The following GULP1 variants were observed in gnomAD, a reference collection of about 807,000 sequenced individuals.
GULP1 encodes the protein PTB domain-containing engulfment adapter protein 1.
Under a neutral mutation model 40.9 loss-of-function variants are expected in GULP1, and 19 were observed. The ratio of observed to expected loss-of-function variants is 0.46; its 90% CI spans 0.32 to 0.68. The LOEUF is 0.68. Among genes scored for constraint, GULP1 ranks in the 30% least tolerant of loss-of-function variants. The probability of loss-of-function intolerance (pLI) is 0.03; values close to 1 mark genes in which losing one functional copy is unlikely to be tolerated. For synonymous variants in GULP1, 119 were observed against 117.6 expected (o/e 1.01, Z -0.08); for missense variants, 312 against 362.2 (o/e 0.86, Z 1.12).
intron 7 of GULP1, among the ~76,000 whole-genome samples, chr2:188,546,852 G>A (rs1692095885): frequency 6.6e-6 from 1 of 151,828 alleles, no homozygotes; most frequent in South Asian, 2.1e-4. Context: ...CCAATATTTA[G>A]AATGAAAACC....
At chr2:188,358,832 TTTAA>T (rs2045711841) in intron 1 of GULP1, among the ~76,000 whole-genome samples, 1 of 152,128 alleles carries the variant, frequency 6.6e-6, no homozygotes, top group Non-Finnish European at 1.5e-5. Flanking sequence ...TAGTCATTAG[TTTAA>T]TTAACGTTAT....
chr2:188,388,806 G>C (rs571538684), intron 2 of GULP1, among the ~76,000 whole-genome samples: 114 of 152,248 alleles, frequency 7.5e-4, no homozygotes, highest in Admixed American at 1.3e-3. Context: ...CAAATGAATA[G>C]AATACACCAT....
At chr2:188,469,764 G>T (rs1320411782) in intron 2 of GULP1, among the ~76,000 whole-genome samples, 2 of 152,072 alleles carry the variant, frequency 1.3e-5, no homozygotes, top group African/African-American at 2.4e-5. Context: ...TATCATGAAA[G>T]ATGTTGAATT....
chr2:188,583,790 CA>C lies in GULP1; in HGVS notation c.610-467del, dbSNP rs540793344. On this transcript the variant is annotated intron_variant, in intron 9 of 11. Coordinates refer to ENST00000409830, the MANE Select transcript of GULP1 (RefSeq NM_016315.4). ...AAAATATACTCTACTTTTGAGAATGCAAAAAAAATCAATTGCATTTGAATGT... is the reference window on the plus strand; with the variant it reads ...AAAATATACTCTACTTTTGAGAATGCAAAAAAATCAATTGCATTTGAATGT... Among the ~76,000 whole-genome samples, 680 of 151,658 alleles carry C rather than the reference CA, an allele frequency of 4.5e-3. 8 individuals carry two copies. Among genetic ancestry groups the C allele is most frequent in the African/African-American group, 0.016 (649 of 41,384 alleles).
intron 1 of GULP1, among the ~76,000 whole-genome samples, chr2:188,375,473 C>T (rs975140178): frequency 3.3e-5 from 5 of 152,172 alleles, no homozygotes; most frequent in East Asian, 3.9e-4. Context: ...CCCAACTTTT[C>T]GTTAGGAAAT....
At chr2:188,572,757 C>T (rs1355258788) in intron 9 of GULP1, among the ~76,000 whole-genome samples, 1 of 152,014 alleles carries the variant, frequency 6.6e-6, no homozygotes, top group African/African-American at 2.4e-5. Context: ...AAGCCATGCA[C>T]AGAAAGACAA....
In GULP1 at chr2:188,405,803, T is replaced by C. The variant is rs1257629133; in HGVS notation, c.-45+21914T>C. The stretch of plus-strand genomic sequence containing the variant: ...ACTCAGAATTTCTGGATGGGCTGAT[T>C]GGTGAAGGCTTACCCAAACAAAACT... On this transcript the variant is annotated intron_variant, in intron 2 of 11. Transcript: ENST00000409830. Among the ~76,000 whole-genome samples the C allele has an allele frequency of 2.0e-5, 3 of 152,220 alleles. No homozygotes were observed. In the East Asian group the frequency reaches 5.8e-4, roughly 29 times the overall value.
intron 2 of GULP1, among the ~76,000 whole-genome samples, chr2:188,464,510 T>C (rs933814641): frequency 6.6e-6 from 1 of 152,164 alleles, no homozygotes; most frequent in Non-Finnish European, 1.5e-5. Context: ...ATTCCCTGGC[T>C]CCTGCCTATT....
chr2:188,414,233 AAAAG>A (rs2054287777), intron 2 of GULP1, among the ~76,000 whole-genome samples: 2 of 97,890 alleles, frequency 2.0e-5, no homozygotes, highest in African/African-American at 8.4e-5. Flanking sequence ...AAAAAAAAAA[AAAAG>A]AAAAAGAAGA....
At chr2:188,530,579 G>T (rs1263254422) in intron 6 of GULP1, among the ~76,000 whole-genome samples, 3 of 152,128 alleles carry the variant, frequency 2.0e-5, no homozygotes, top group African/African-American at 4.8e-5. Flanking sequence ...TACAAAAAGA[G>T]GAAGAGACAC....
chr2:188,383,272 C>T (rs2049242254), intron 1 of GULP1, among the ~76,000 whole-genome samples: 1 of 152,140 alleles, frequency 6.6e-6, no homozygotes, highest in Non-Finnish European at 1.5e-5. Flanking sequence ...CTAGTTATAG[C>T]ATGATTATGA....
intron 1 of GULP1, among the ~76,000 whole-genome samples, chr2:188,328,536 A>G (rs1336830573): frequency 6.6e-6 from 1 of 152,148 alleles, no homozygotes; most frequent in Non-Finnish European, 1.5e-5. Context: ...CTAATTAATT[A>G]TCCTTCAACA....
chr2:188,448,824 C>T (rs1410380243), intron 2 of GULP1, among the ~76,000 whole-genome samples: 1 of 152,132 alleles, frequency 6.6e-6, no homozygotes, highest in Non-Finnish European at 1.5e-5. Flanking sequence ...AATGAGTTCT[C>T]ATGAGATGTG....
intron 6 of GULP1, among the ~76,000 whole-genome samples, chr2:188,536,092 T>A (rs1366772268): frequency 6.6e-6 from 1 of 152,154 alleles, no homozygotes; most frequent in Non-Finnish European, 1.5e-5. Flanking sequence ...AACCTGGGTA[T>A]TAGACGTTTG....
At chr2:188,422,045 G>T (rs544847550) in intron 2 of GULP1, among the ~76,000 whole-genome samples, 2 of 147,224 alleles carry the variant, frequency 1.4e-5, no homozygotes, top group South Asian at 2.1e-4. Context: ...AGAAATATTC[G>T]CAACTTAAAT....
intron 1 of GULP1, among the ~76,000 whole-genome samples, chr2:188,356,794 A>G (rs1195779652): frequency 6.6e-6 from 1 of 152,060 alleles, no homozygotes; most frequent in African/African-American, 2.4e-5. Flanking sequence ...ACTAAGGACT[A>G]ATGACTTCAA....
At chr2:188,524,918 A>G (rs958183854) in intron 5 of GULP1, among the ~76,000 whole-genome samples, 8 of 151,804 alleles carry the variant, frequency 5.3e-5, no homozygotes, top group Non-Finnish European at 5.9e-5. Flanking sequence ...CTTTTTCAGC[A>G]ATATTAATGT....
intron 4 of GULP1, 41 bp downstream of exon 4, chr2:188,483,533 A>T (rs1013692102): frequency 2.4e-6 from 2 of 835,628 alleles, no homozygotes; most frequent in South Asian, 1.9e-5. Flanking sequence ...ATTTTGTTAT[A>T]GTATCATTAC....
intron 1 of GULP1, among the ~76,000 whole-genome samples, chr2:188,321,784 A>G (rs2040018137): frequency 6.6e-6 from 1 of 152,102 alleles, no homozygotes; most frequent in Non-Finnish European, 1.5e-5. Context: ...TGGGAGTCAG[A>G]GGCGGGCAGA....
Sources: allele counts gnomAD v4.1 joint callset (sites outside exome capture counted in the v4.1 genomes callset), GRCh38; gene constraint gnomAD v4.1.1; transcripts MANE v1.5; gene names NCBI Gene and HGNC (gene_info 2026-07-23, HGNC 2026-07-21).